FAT1: variants seen among roughly 807,000 people sequenced by gnomAD.
The protein encoded by FAT1 is protocadherin Fat 1.
A neutral mutation model predicts 329.8 loss-of-function variants in FAT1; 171 were observed. The ratio of observed to expected loss-of-function variants is 0.52; its 90% CI spans 0.46 to 0.59. The LOEUF (loss-of-function observed/expected upper bound fraction) is 0.59. Among genes scored for constraint, FAT1 ranks in the 20% least tolerant of loss-of-function variants. The pLI is 0.00. For synonymous variants in FAT1, 2,233 were observed against 2,228.6 expected (o/e 1.00, Z -0.06); for missense variants, 5,672 against 5,774.4 (o/e 0.98, Z 0.57).
rs748166431 is a variant in FAT1, at chr4:186,618,536, C to G, written c.8050G>C (p.Glu2684Gln). The G allele has an allele frequency of 6.2e-7, 1 of 1,613,990 alleles. No homozygotes were observed. Among genetic ancestry groups the G allele is most frequent in the Non-Finnish European group, 8.5e-7 (1 of 1,179,888 alleles). ...RAVDNGSPSK[E>Q]SVVLVYVKIL... is the part of the protein sequence containing the mutation. ...TTAACATAGACAAGAACAACAGATT[C>G]TTTTGATGGAGACCCATTATCCACA... is the stretch of plus-strand genomic sequence containing the variant. The change falls in exon 10 of 27, where the codon GAA becomes CAA. Residue 2684 changes from glutamate (E) to glutamine (Q), a missense_variant. Coordinates refer to ENST00000441802, the MANE Select transcript of FAT1 (RefSeq NM_005245.4).
rs1262057284 is a variant in FAT1 at position 186,609,247 on chromosome 4, C to T, written c.10142G>A (p.Ser3381Asn). The T allele has an allele frequency of 3.1e-6, 5 of 1,613,946 alleles. No homozygotes were observed. In the African/African-American group the frequency reaches 5.3e-5, roughly 17 times the overall value. The change falls in exon 16 of 27, where the codon AGC becomes AAC. Residue 3381 changes from serine (S) to asparagine (N), a missense_variant. Ser to Asn is a conservative substitution (Grantham distance 46). This residue lies in a region of FAT1 where 1,706 missense variants were observed against 1,859.1 expected (regional missense o/e 0.92). Coordinates refer to ENST00000441802, the MANE Select transcript of FAT1 (RefSeq NM_005245.4). ...HYSIIDGNQG[S>N]SFTIDPVRGE... is the part of the protein sequence containing the mutation. ...CCTGACGGGGTCAATTGTGAACGAG[C>T]TTCCTTGGTTGCCATCTATAATTGA...
chr4:186,700,609 C>T (rs928148242), intron 2 of FAT1, among the ~76,000 whole-genome samples: 3 of 152,102 alleles, frequency 2.0e-5, no homozygotes, highest in Non-Finnish European at 4.4e-5. Context: ...AAACCCACTT[C>T]ACTAGTCGTT....
At chr4:186,681,358 A>C (rs2126645145) in intron 2 of FAT1, among the ~76,000 whole-genome samples, 1 of 152,368 alleles carries the variant, frequency 6.6e-6, no homozygotes, top group Non-Finnish European at 1.5e-5. Context: ...GATGTTTGAG[A>C]AACTAAAGCA....
In FAT1 at chr4:186,618,630, G is replaced by A. The variant is rs567519715; in HGVS notation, c.7956C>T (p.Ser2652=). 80 of 1,613,860 alleles carry A rather than the reference G, an allele frequency of 5.0e-5. No individual in the cohort carries two copies. The highest frequency in any genetic ancestry group is 1.5e-4 in the Admixed American group (9 of 60,002). Reference sequence around the variant, plus strand: ...GGCTCTCCTTTGTAGTGATTACGCCGGACAGTTTGTTAATTTCCAAATTCT... The same window carrying A: ...GGCTCTCCTTTGTAGTGATTACGCCAGACAGTTTGTTAATTTCCAAATTCT... ...VKENLEINKL[S]GVITTKESLI... The change falls in exon 10 of 27, where the codon TCC becomes TCT. Residue 2652 remains serine, a synonymous_variant. Coordinates refer to ENST00000441802, the MANE Select transcript of FAT1 (RefSeq NM_005245.4).
chr4:186,627,953 C>T (rs1200755649), intron 9 of FAT1, among the ~76,000 whole-genome samples: 3 of 151,850 alleles, frequency 2.0e-5, no homozygotes, highest in African/African-American at 7.3e-5. Flanking sequence ...CCCAGAACTT[C>T]CCCCAAACTC....
At chr4:186,595,198 C>A (rs971524162) in intron 26 of FAT1, among the ~76,000 whole-genome samples, 3 of 152,072 alleles carry the variant, frequency 2.0e-5, no homozygotes, top group Non-Finnish European at 2.9e-5. Context: ...GGAGCTGGGG[C>A]CGCAGTGGGG....
chr4:186,652,730 G>T (rs2126597959), intron 3 of FAT1, among the ~76,000 whole-genome samples: 1 of 152,192 alleles, frequency 6.6e-6, no homozygotes, highest in African/African-American at 2.4e-5. Context: ...CCTGGAAGTT[G>T]TTTGCAGCTT....
In FAT1 at chr4:186,619,809, G is replaced by A. The variant is rs767038719; in HGVS notation, c.6777C>T (p.Ser2259=). 6.2e-7 allele frequency: 1 copy of A among 1,613,996 alleles called. No individual in the cohort carries two copies. ...AYKLSIRATD[S]LTGAHAEVFV... ...ATACTTCAGCATGAGCGCCCGTCAA[G>A]GAGTCAGTTGCGCGTATGCTCAGCT... is the stretch of plus-strand genomic sequence containing the variant. Residue 2259 remains serine (S), a synonymous_variant, in exon 10 of 27, where the codon TCC becomes TCT. Coordinates refer to ENST00000441802, the MANE Select transcript of FAT1 (RefSeq NM_005245.4).
intron 3 of FAT1, among the ~76,000 whole-genome samples, chr4:186,650,873 A>G (rs1741605677): frequency 6.6e-6 from 1 of 152,162 alleles, no homozygotes. Flanking sequence ...GCTTGCTCTG[A>G]GTTAGGTAAG....
At position 186,707,027 on chromosome 4, in the gene FAT1, A is replaced by G. The variant is rs1301920892; in HGVS notation, c.2801T>C (p.Val934Ala). The G allele has an allele frequency of 1.2e-6, 2 of 1,613,924 alleles. No homozygotes were observed. Among genetic ancestry groups the G allele is most frequent in the Non-Finnish European group, 1.7e-6 (2 of 1,179,884 alleles). ...TTCTGGAAGATCCTCTCGGACTTTC[A>G]CACGATAATTAGGTGGAATAAATGT... ...PPTFIPPNYR[V>A]KVREDLPEGT... is the part of the protein sequence containing the mutation. The change falls in exon 2 of 27, where the codon GTG (valine) becomes GCG (alanine). Residue 934 changes from valine (V) to alanine (A), a missense_variant. Coordinates refer to ENST00000441802, the MANE Select transcript of FAT1 (RefSeq NM_005245.4).
At position 186,597,067 on chromosome 4, in the gene FAT1, C is replaced by T. The variant is rs1738564145; in HGVS notation, c.12473G>A (p.Arg4158Lys). ...SYHCNCSHEY[R>K]GRHCEDAAPN... ...CGCAGCATCCTCGCAGTGACGTCCC[C>T]TGTACTCGTGGCTGCAGTTGCAGTG... Residue 4158 changes from arginine to lysine, a missense_variant, in exon 25 of 27, where the codon AGG becomes AAG. By Grantham distance (26) the Arg-to-Lys change is conservative. Transcript: ENST00000441802. 6.2e-7 allele frequency: 1 copy of T among 1,613,926 alleles called. No individual in the cohort carries two copies. The highest frequency in any genetic ancestry group is 1.3e-5 in the African/African-American group (1 of 74,938).
chr4:186,641,813 C>T (rs774279093), intron 3 of FAT1, among the ~76,000 whole-genome samples: 1 of 152,138 alleles, frequency 6.6e-6, no homozygotes, highest in East Asian at 1.9e-4. Flanking sequence ...TCGAGACCAG[C>T]CTGGCCAACA....
chr4:186,713,804 T>C (rs1442703497), intron 1 of FAT1, among the ~76,000 whole-genome samples: 1 of 152,080 alleles, frequency 6.6e-6, no homozygotes. Flanking sequence ...TCTGTAGATT[T>C]AGACTGACAG....
chr4:186,597,214 C>T lies in FAT1; in HGVS notation c.12369-43G>A, dbSNP rs374263517. On this transcript the variant is annotated intron_variant, in intron 24 of 26. Transcript: ENST00000441802. ...AATGAGGAGAGACCTCTGTAGCATA[C>T]GCCAGCGTATGTCAGGCTCAATCCT... 8.3e-5 allele frequency: 126 copies of T among 1,517,958 alleles called. No individual in the cohort carries two copies. The African/African-American group carries it at 8.3e-4, about 10-fold the overall frequency. 94.0% of individuals were successfully genotyped at this position (1,517,958 alleles called of 1,614,324 possible).
Position 186,596,766 on chromosome 4 carries a change from C to T in FAT1, c.12774G>A (p.Pro4258=), listed in dbSNP as rs370465267. Residue 4258 remains proline, a synonymous_variant, in exon 25 of 27, where the codon CCG becomes CCA. Transcript: ENST00000441802. The surrounding 1 kb of genome is among the most constrained non-coding windows in gnomAD (Gnocchi z 4.7). ...TGTTTCTTGAGTCACTTGGAATACT[C>T]GGGGTGTAGGAAATAGGCCGGACAG... ...QVPVRPISYT[P]SIPSDSRNNL... 46 of 1,613,800 alleles carry T rather than the reference C, an allele frequency of 2.9e-5. No individual in the cohort carries two copies. The East Asian group carries it at 3.8e-4, about 13-fold the overall frequency.
intron 26 of FAT1, chr4:186,592,548 T>C: frequency 2.7e-6 from 1 of 367,074 alleles, no homozygotes; most frequent in Admixed American, 3.7e-5. Context: ...ATATTACGTA[T>C]ATACACACCT....
rs751999701 is a variant in FAT1 at position 186,618,887 on chromosome 4, G to A, written c.7699C>T (p.Arg2567Cys). The A allele has an allele frequency of 2.7e-5, 43 of 1,613,922 alleles. No individual in the cohort carries two copies. The highest frequency in any genetic ancestry group is 3.6e-5 in the Non-Finnish European group (43 of 1,179,880). ...CCTCCAGCATCCTTAGCCATTAAACGGACTGAGATCACTTTCTCCGCCGGG... is the reference window on the plus strand; with the variant it reads ...CCTCCAGCATCCTTAGCCATTAAACAGACTGAGATCACTTTCTCCGCCGGG... ...ETPAEKVISV[R>C]LMAKDAGGKV... is the part of the protein sequence containing the mutation. The change falls in exon 10 of 27, where the codon CGT (arginine) becomes TGT (cysteine). Residue 2567 changes from arginine (R) to cysteine (C), a missense_variant. Arg to Cys is a radical substitution (Grantham distance 180). Transcript: ENST00000441802.
Position 186,709,073 on chromosome 4 carries a change from T to C in FAT1, c.755A>G (p.Glu252Gly). ...CACTGCTGTTATCACCGGAGCACATTCATTGGCCTGTTCGATGTGCACCGT... is the reference window on the plus strand; with the variant it reads ...CACTGCTGTTATCACCGGAGCACATCCATTGGCCTGTTCGATGTGCACCGT... ...KLTVHIEQANECAPVITAVTL... is the reference protein window; with the variant it reads ...KLTVHIEQANGCAPVITAVTL... The change falls in exon 2 of 27, where the codon GAA becomes GGA. Residue 252 changes from glutamate (E) to glycine (G), a missense_variant. Glu to Gly is a moderately conservative substitution (Grantham distance 98). Coordinates refer to ENST00000441802, the MANE Select transcript of FAT1 (RefSeq NM_005245.4). 1.2e-6 allele frequency: 2 copies of C among 1,613,906 alleles called. No individual in the cohort carries two copies. Among genetic ancestry groups the C allele is most frequent in the South Asian group, 2.2e-5 (2 of 91,076 alleles).
chr4:186,674,814 A>G (rs1233234092), intron 2 of FAT1, among the ~76,000 whole-genome samples: 1 of 152,196 alleles, frequency 6.6e-6, no homozygotes, highest in Non-Finnish European at 1.5e-5. Flanking sequence ...TGGGTGGATC[A>G]CTTGAGCCCA....
Sources: gnomAD v4.1 joint callset for allele counts (sites outside exome capture counted in the v4.1 genomes callset) on GRCh38, gnomAD v4.1.1 for gene constraint, gnomAD v4.1.1 regional missense constraint, Gnocchi (gnomAD v3.1) non-coding constraint, MANE v1.5 for transcripts, NCBI Gene and HGNC (gene_info 2026-07-23, HGNC 2026-07-21) for gene names.